ENOX1: variants seen among roughly 807,000 people sequenced by gnomAD.
ENOX1 encodes the protein ecto-NOX disulfide-thiol exchanger 1.
In ENOX1, 42 loss-of-function variants were observed where a neutral mutation model predicts 82.5. That is an observed-to-expected ratio of 0.51 (90% CI 0.40 to 0.66). The LOEUF (loss-of-function observed/expected upper bound fraction) is 0.66, where lower values mean the gene tolerates loss of function less well. Among genes scored for constraint, ENOX1 ranks in the 30% least tolerant of loss-of-function variants. The probability of loss-of-function intolerance (pLI) is 0.00; values close to 1 mark genes in which losing one functional copy is unlikely to be tolerated. For synonymous variants in ENOX1, 271 were observed against 282.2 expected, an observed-to-expected ratio of 0.96 and a Z score of 0.40; for missense variants, 608 against 811.6, an observed-to-expected ratio of 0.75 and a Z score of 3.05.
At chr13:43,246,972 G>A (rs2043113685) in intron 14 of ENOX1, among the ~76,000 whole-genome samples, 1 of 152,012 alleles carries the variant, frequency 6.6e-6, no homozygotes, top group Admixed American at 6.6e-5. Context: ...AACAAGTCAG[G>A]TCTACACAGC....
chr13:43,747,424 T>C (rs111858186), intron 1 of ENOX1, among the ~76,000 whole-genome samples: 2,272 of 152,340 alleles, frequency 0.015, 52 homozygotes, highest in African/African-American at 0.05. Flanking sequence ...CTGCCATAAC[T>C]GCCCTTCATA....
chr13:43,616,325 C>T (rs1425502490), intron 2 of ENOX1, among the ~76,000 whole-genome samples: 1 of 147,150 alleles, frequency 6.8e-6, no homozygotes, highest in Non-Finnish European at 1.5e-5. Context: ...ACCTCAGCCT[C>T]CCAAGTAGCT....
At chr13:43,596,253 T>C (rs541805289) in intron 2 of ENOX1, among the ~76,000 whole-genome samples, 1 of 152,362 alleles carries the variant, frequency 6.6e-6, no homozygotes, top group East Asian at 1.9e-4. Flanking sequence ...TTCACTACCA[T>C]GACAACTGAA....
chr13:43,374,853 A>G (rs2051508076), intron 5 of ENOX1, among the ~76,000 whole-genome samples: 1 of 152,182 alleles, frequency 6.6e-6, no homozygotes, highest in Admixed American at 6.5e-5. Flanking sequence ...GGTTTACACT[A>G]TCCTGCTGGG....
At chr13:43,629,138 C>T (rs2083096314) in intron 2 of ENOX1, among the ~76,000 whole-genome samples, 1 of 152,160 alleles carries the variant, frequency 6.6e-6, no homozygotes, top group Non-Finnish European at 1.5e-5. Context: ...TCTGATATTA[C>T]CCCACAGGAG....
At chr13:43,309,053 T>C (rs2047037073) in intron 11 of ENOX1, among the ~76,000 whole-genome samples, 1 of 147,366 alleles carries the variant, frequency 6.8e-6, no homozygotes, top group South Asian at 2.2e-4. Context: ...TTCCAGAGTC[T>C]CGCTGTCACC....
intron 14 of ENOX1, among the ~76,000 whole-genome samples, chr13:43,255,071 A>G (rs1226793186): frequency 6.6e-6 from 1 of 152,236 alleles, no homozygotes; most frequent in Non-Finnish European, 1.5e-5. Flanking sequence ...AACCTAATTC[A>G]GCAACAAATT....
chr13:43,480,590 T>C lies in ENOX1; in HGVS notation c.-75+3419A>G, dbSNP rs1327188702. Among the ~76,000 whole-genome samples the C allele has an allele frequency of 3.3e-5, 5 of 152,280 alleles. No individual in the cohort carries two copies. The East Asian group carries it at 5.8e-4, about 18-fold the overall frequency. ...CAATGGAAGCAGAAATAAATTAACATGATATGAGCTCAGAAATTACATTGG... is the reference window on the plus strand; with the variant it reads ...CAATGGAAGCAGAAATAAATTAACACGATATGAGCTCAGAAATTACATTGG... On this transcript the variant is annotated intron_variant, in intron 3 of 16. Coordinates refer to ENST00000690772, the MANE Select transcript of ENOX1 (RefSeq NM_001347969.2).
At chr13:43,644,340 C>T (rs1477343655) in intron 2 of ENOX1, among the ~76,000 whole-genome samples, 3 of 152,074 alleles carry the variant, frequency 2.0e-5, no homozygotes, top group Admixed American at 6.6e-5. Context: ...CTTGCATTTC[C>T]CTAGATAGCT....
chr13:43,458,888 T>G (rs1004489571), intron 3 of ENOX1: 10 of 152,226 alleles, frequency 6.6e-5, no homozygotes, highest in Admixed American at 3.9e-4. Context: ...TTATACAAAC[T>G]TACTTGACTA....
intron 5 of ENOX1, among the ~76,000 whole-genome samples, chr13:43,409,095 G>A (rs1349568904): frequency 6.7e-6 from 1 of 150,366 alleles, no homozygotes; most frequent in Non-Finnish European, 1.5e-5. Flanking sequence ...GATACAGTGT[G>A]AGAATAATTA....
intron 15 of ENOX1, among the ~76,000 whole-genome samples, chr13:43,228,095 CTTT>C (rs551861545): frequency 0.12 from 10,339 of 84,414 alleles, 526 homozygotes; most frequent in Middle Eastern, 0.23. Context: ...CTCTTTGCAG[CTTT>C]TTTTTTTTTT....
intron 11 of ENOX1, among the ~76,000 whole-genome samples, chr13:43,316,977 C>A (rs1314048447): frequency 2.6e-5 from 4 of 152,214 alleles, no homozygotes; most frequent in Admixed American, 2.0e-4. Context: ...GTCTTTAATT[C>A]AGTGGTCAGT....
intron 2 of ENOX1, among the ~76,000 whole-genome samples, chr13:43,664,003 A>G (rs1321602875): frequency 2.9e-4 from 44 of 152,208 alleles, no homozygotes; most frequent in Admixed American, 2.9e-3. Context: ...TACAGAAAGC[A>G]GACATTAAGA....
chr13:43,299,086 T>C (rs2153507694), intron 11 of ENOX1, among the ~76,000 whole-genome samples: 1 of 152,310 alleles, frequency 6.6e-6, no homozygotes, highest in East Asian at 1.9e-4. Flanking sequence ...CCTATCAGAA[T>C]GGGAAGCTAG....
rs9594924 is a variant in ENOX1 at position 43,302,976 on chromosome 13, G to T, written c.1262-4446C>A. 3.3e-3 allele frequency among the ~76,000 whole-genome samples: 504 copies of T among 152,210 alleles called. 4 individuals are homozygous for T. Among genetic ancestry groups the T allele is most frequent in the African/African-American group, 0.011 (472 of 41,536 alleles). ...AAATAATAAAACATTTTAACATATC[G>T]TTTCTAACAATATCTGTGTTTCTCC... On this transcript the variant is annotated intron_variant, in intron 11 of 16. Coordinates refer to ENST00000690772, the MANE Select transcript of ENOX1 (RefSeq NM_001347969.2).
Position 43,412,947 on chromosome 13 carries a change from T to C in ENOX1, c.-33A>G. 6.2e-7 allele frequency: 1 copy of C among 1,613,142 alleles called. No homozygotes were observed. Among genetic ancestry groups the C allele is most frequent in the Non-Finnish European group, 8.5e-7 (1 of 1,179,804 alleles). ...TGAGTGTCCAGAGGGGCAGGAACAC[T>C]TTGATGGCTGAGTGCAGGGTCCCCT... On this transcript the variant is annotated 5_prime_UTR_variant, in exon 4 of 17. Transcript: ENST00000690772.
At chr13:43,710,904 A>G (rs985244716) in intron 1 of ENOX1, among the ~76,000 whole-genome samples, 13 of 151,880 alleles carry the variant, frequency 8.6e-5, no homozygotes, top group South Asian at 8.3e-4. Flanking sequence ...TAGGATTAAG[A>G]AAGTTGGTTT....
intron 1 of ENOX1, among the ~76,000 whole-genome samples, chr13:43,747,572 C>A (rs1950092967): frequency 6.6e-6 from 1 of 152,198 alleles, no homozygotes; most frequent in African/African-American, 2.4e-5. Flanking sequence ...AGGCTTATAA[C>A]CAACAAACCA....
Sources: allele counts gnomAD v4.1 joint callset (sites outside exome capture counted in the v4.1 genomes callset), GRCh38; gene constraint gnomAD v4.1.1; transcripts MANE v1.5; gene names NCBI Gene and HGNC (gene_info 2026-07-23, HGNC 2026-07-21).